The following CDIN1 variants were observed in gnomAD, a reference collection of about 807,000 sequenced individuals.
The protein encoded by CDIN1 is CDAN1-interacting nuclease 1.
A neutral mutation model predicts 45.3 loss-of-function variants in CDIN1; 33 were observed. That is an observed-to-expected ratio of 0.73 (90% confidence interval 0.55 to 0.97). The LOEUF is 0.97. Among genes scored for constraint, CDIN1 ranks in the 50% least tolerant of loss-of-function variants. CDIN1 has a pLI of 0.00. For missense variants in CDIN1, 303 were observed against 339.4 expected (o/e 0.89, Z 0.84); for synonymous variants, 118 against 124.4 (o/e 0.95, Z 0.34).
intron 3 of CDIN1, among the ~76,000 whole-genome samples, chr15:36,646,559 C>G (rs374047106): frequency 6.6e-6 from 1 of 152,040 alleles, no homozygotes; most frequent in Non-Finnish European, 1.5e-5. Context: ...AAAGTCATAG[C>G]CTAAATTATA....
intron 5 of CDIN1, among the ~76,000 whole-genome samples, chr15:36,687,575 T>G (rs1293757609): frequency 1.3e-5 from 2 of 152,120 alleles, no homozygotes; most frequent in Admixed American, 6.5e-5. Flanking sequence ...TACCAAGAAT[T>G]CAGTGTATAA....
chr15:36,615,211 A>G (rs1278742529), intron 1 of CDIN1, among the ~76,000 whole-genome samples: 1 of 152,204 alleles, frequency 6.6e-6, no homozygotes, highest in Admixed American at 6.5e-5. Flanking sequence ...TGGCCACCGC[A>G]TCTGGCTGTG....
At chr15:36,691,547 T>C (rs2042250946) in intron 5 of CDIN1, 138 bp from the exon 6 acceptor site, 1 of 603,046 alleles carries the variant, frequency 1.7e-6, no homozygotes. Context: ...TGTTAGATTA[T>C]AGAAAAAGGA....
chr15:36,667,367 T>C (rs1206120857), intron 5 of CDIN1, among the ~76,000 whole-genome samples: 3 of 152,236 alleles, frequency 2.0e-5, no homozygotes, highest in Non-Finnish European at 4.4e-5. Flanking sequence ...CTTTATTTCT[T>C]AATCATGAGC....
intron 5 of CDIN1, among the ~76,000 whole-genome samples, chr15:36,681,874 C>T (rs565990200): frequency 6.6e-6 from 1 of 152,166 alleles, no homozygotes; most frequent in East Asian, 1.9e-4. Flanking sequence ...TCACGGATTT[C>T]AGATGAAAGA....
Position 36,808,545 on chromosome 15 carries a change from C to T in CDIN1, c.*92C>T. The T allele has an allele frequency of 6.6e-7, 1 of 1,510,306 alleles. No individual in the cohort carries two copies. The highest frequency in any genetic ancestry group is 1.2e-5 in the South Asian group (1 of 82,128). The allele number at this position is 1,510,306 out of a possible 1,614,324, so 93.6% of individuals were successfully genotyped here. A position where few individuals can be genotyped will look rare whatever the true frequency, so the allele number is the denominator to read the frequency against. On this transcript the variant is annotated 3_prime_UTR_variant, in exon 11 of 11. Coordinates refer to ENST00000566621, the MANE Select transcript of CDIN1 (RefSeq NM_001321759.2). The stretch of plus-strand genomic sequence containing the variant: ...ACTGTAAGATCCTGGCAACATCTGC[C>T]CTGAACTTCAGCTGAACTCTTGCTG...
chr15:36,694,592 A>G (rs891065001), intron 7 of CDIN1, among the ~76,000 whole-genome samples: 1 of 151,962 alleles, frequency 6.6e-6, no homozygotes, highest in African/African-American at 2.4e-5. Context: ...TTTGTTATCT[A>G]CTGTATTTTT....
intron 10 of CDIN1, among the ~76,000 whole-genome samples, chr15:36,712,164 T>C (rs2043075802): frequency 6.6e-6 from 1 of 152,000 alleles, no homozygotes; most frequent in South Asian, 2.1e-4. Context: ...GCCTCTAGTT[T>C]ATATAAAAAC....
At chr15:36,662,693 A>G (rs546639021) in intron 5 of CDIN1, among the ~76,000 whole-genome samples, 1 of 152,234 alleles carries the variant, frequency 6.6e-6, no homozygotes, top group African/African-American at 2.4e-5. Flanking sequence ...TTTGAATCCT[A>G]ACTATATTCC....
intron 10 of CDIN1, among the ~76,000 whole-genome samples, chr15:36,794,018 G>GAA (rs36187344): frequency 0.78 from 107,004 of 136,664 alleles, 44,602 homozygotes; most frequent in Middle Eastern, 0.92. Flanking sequence ...TTACTGTGGT[G>GAA]AAAAAAAAAA....
At chr15:36,774,115 C>T (rs948267090) in intron 10 of CDIN1, among the ~76,000 whole-genome samples, 5 of 148,662 alleles carry the variant, frequency 3.4e-5, no homozygotes, top group African/African-American at 1.0e-4. Context: ...AGGCACCTGC[C>T]GGCAAGTAAC....
At chr15:36,676,476 G>T (rs1208219499) in intron 5 of CDIN1, among the ~76,000 whole-genome samples, 1 of 152,190 alleles carries the variant, frequency 6.6e-6, no homozygotes, top group Non-Finnish European at 1.5e-5. Flanking sequence ...AATTATTAGA[G>T]AGGCTTCTTG....
chr15:36,800,897 GTGTGTGTGTGTGTATATA>G (rs1262463428), intron 10 of CDIN1, among the ~76,000 whole-genome samples: 3 of 27,172 alleles, frequency 1.1e-4, no homozygotes, highest in African/African-American at 2.3e-4. Context: ...GTGTGTGTGT[GTGTGTGTGTGTGTATATA>G]TATATATATA....
At chr15:36,648,234 T>TTGC (rs1217545373) in intron 3 of CDIN1, among the ~76,000 whole-genome samples, 3 of 152,126 alleles carry the variant, frequency 2.0e-5, no homozygotes, top group Non-Finnish European at 4.4e-5. Context: ...TCAGCCCATT[T>TTGC]TTATATTGAT....
chr15:36,801,465 T>C (rs1595620936), intron 10 of CDIN1, among the ~76,000 whole-genome samples: 2 of 152,016 alleles, frequency 1.3e-5, no homozygotes, highest in Non-Finnish European at 2.9e-5. Flanking sequence ...ACTGGGGCCT[T>C]TGGGGCATAC....
chr15:36,691,171 T>A, intron 5 of CDIN1: 1 of 518,720 alleles, frequency 1.9e-6, no homozygotes, highest in Non-Finnish European at 3.8e-6. Flanking sequence ...ATGAGAATTA[T>A]TTTGGAAAGG....
chr15:36,641,389 A>G (rs1000323444), intron 1 of CDIN1: 1 of 152,278 alleles, frequency 6.6e-6, no homozygotes, highest in Admixed American at 6.5e-5. Flanking sequence ...CTGTTTCCAC[A>G]TTGCTGCAGC....
intron 1 of CDIN1, among the ~76,000 whole-genome samples, chr15:36,638,387 CACTT>C (rs1401791800): frequency 6.6e-6 from 1 of 152,146 alleles, no homozygotes; most frequent in East Asian, 1.9e-4. Context: ...ATAAAATTAA[CACTT>C]ACAGAGGGCC....
intron 10 of CDIN1, among the ~76,000 whole-genome samples, chr15:36,742,899 G>T (rs907443567): frequency 6.6e-6 from 1 of 152,198 alleles, no homozygotes; most frequent in African/African-American, 2.4e-5. Context: ...GTAGCAACTG[G>T]CTTGGGTCCT....
Sources: allele counts gnomAD v4.1 joint callset (sites outside exome capture counted in the v4.1 genomes callset), GRCh38; gene constraint gnomAD v4.1.1; transcripts MANE v1.5; gene names NCBI Gene and HGNC (gene_info 2026-07-23, HGNC 2026-07-21).